SLC68A1: variants seen among roughly 807,000 people sequenced by gnomAD.
The protein encoded by SLC68A1 is solute carrier family 68 member 1.
At chr10:102,472,504 T>C in the SLC68A1 span, among the ~76,000 whole-genome samples, 117 of 152,320 alleles carry the variant, frequency 7.7e-4, no homozygotes, top group African/African-American at 2.8e-3. Context: ...CCTTAAGTGA[T>C]CTGCCTGCCT....
chr10:102,471,484 G>A, the SLC68A1 span: 8 of 1,538,302 alleles, frequency 5.2e-6, no homozygotes, highest in South Asian at 4.8e-5. Context: ...ACTTGGCCAC[G>A]CATGGTGGCT....
chr10:102,470,935 CCT>C, the SLC68A1 span: 1 of 1,613,430 alleles, frequency 6.2e-7, no homozygotes, highest in Non-Finnish European at 8.5e-7. Flanking sequence ...CGGCCGGCTC[CCT>C]CTCTGTCTTT....
At chr10:102,473,718 C>G in the SLC68A1 span, 5 of 1,613,624 alleles carry the variant, frequency 3.1e-6, no homozygotes, top group Non-Finnish European at 4.2e-6. Flanking sequence ...ACCACCTCAG[C>G]CTGCTGTGCC....
chr10:102,472,001 T>TAAA, the SLC68A1 span: 2 of 455,840 alleles, frequency 4.4e-6, no homozygotes, highest in South Asian at 3.1e-5. Context: ...ACAATCTTTT[T>TAAA]AAGACAGCAA....
At chr10:102,469,178 T>A in the SLC68A1 span, 1 of 1,612,738 alleles carries the variant, frequency 6.2e-7, no homozygotes, top group African/African-American at 1.3e-5. Flanking sequence ...ATCAACAAAA[T>A]GGCCTTCTGG....
chr10:102,476,057 T>C, the SLC68A1 span: 1 of 1,322,366 alleles, frequency 7.6e-7, no homozygotes, highest in Non-Finnish European at 9.7e-7. Context: ...TTTTGGTTTT[T>C]TTTTTAAGGA....
At chr10:102,470,549 C>G in the SLC68A1 span, 2 of 1,490,940 alleles carry the variant, frequency 1.3e-6, no homozygotes, top group Non-Finnish European at 9.0e-7. Flanking sequence ...GTGGCACCAC[C>G]CTGTTGTGAG....
the SLC68A1 span, among the ~76,000 whole-genome samples, chr10:102,463,169 CTTTTT>C: frequency 3.0e-5 from 4 of 131,758 alleles, no homozygotes; most frequent in Admixed American, 7.5e-5. Context: ...CCCAGCCCTG[CTTTTT>C]TTTTTTTTTT....
At chr10:102,462,686 C>T in the SLC68A1 span, among the ~76,000 whole-genome samples, 1 of 152,144 alleles carries the variant, frequency 6.6e-6, no homozygotes, top group African/African-American at 2.4e-5. Flanking sequence ...CACTTCCCCA[C>T]CCCCAGCGCC....
At chr10:102,467,502 A>G in the SLC68A1 span, among the ~76,000 whole-genome samples, 2 of 152,192 alleles carry the variant, frequency 1.3e-5, no homozygotes, top group Non-Finnish European at 1.5e-5. Context: ...GTGTTTGTCA[A>G]TTAGACCTGA....
chr10:102,468,985 T>G, the SLC68A1 span: 2 of 1,563,260 alleles, frequency 1.3e-6, no homozygotes, highest in Non-Finnish European at 1.7e-6. Context: ...CCTGTGGCCA[T>G]GAGCCCTCCC....
At chr10:102,467,054 T>C in the SLC68A1 span, among the ~76,000 whole-genome samples, 1 of 152,224 alleles carries the variant, frequency 6.6e-6, no homozygotes, top group African/African-American at 2.4e-5. Context: ...TTATTTCTTT[T>C]TGAGGTAGAG....
At chr10:102,472,819 C>T in the SLC68A1 span, 1 of 1,559,486 alleles carries the variant, frequency 6.4e-7, no homozygotes, top group East Asian at 2.2e-5. Context: ...TCTCCTCCCA[C>T]TGGAAGCCTC....
the SLC68A1 span, chr10:102,470,662 C>G: frequency 1.9e-6 from 3 of 1,603,654 alleles, no homozygotes; most frequent in East Asian, 6.7e-5. Context: ...CTTTCCCCGG[C>G]AGGTCAGGCG....
chr10:102,476,404 C>G, the SLC68A1 span: 2 of 553,664 alleles, frequency 3.6e-6, no homozygotes, highest in Non-Finnish European at 4.6e-6. Flanking sequence ...AGGGTTTCAC[C>G]ACATTGGCCA....
the SLC68A1 span, chr10:102,474,068 T>C: frequency 1.3e-6 from 2 of 1,485,478 alleles, 1 homozygote; most frequent in East Asian, 4.7e-5. Flanking sequence ...ACAGCTTACC[T>C]GGCACAGTGG....
At chr10:102,476,115 G>A in the SLC68A1 span, 1 of 1,337,444 alleles carries the variant, frequency 7.5e-7, no homozygotes, top group Non-Finnish European at 9.6e-7. Context: ...CCAAAAAAAT[G>A]GATCTGTTGC....
chr10:102,469,871 C>A, the SLC68A1 span: 11 of 1,449,668 alleles, frequency 7.6e-6, no homozygotes, highest in Non-Finnish European at 1.0e-5. Context: ...CTGACACCAG[C>A]AAAGGTTTGC....
At chr10:102,472,133 A>G in the SLC68A1 span, 2 of 413,480 alleles carry the variant, frequency 4.8e-6, no homozygotes, top group Non-Finnish European at 9.8e-6. Context: ...ACTGCACTCC[A>G]GCCTGGGCGG....
Sources: allele counts gnomAD v4.1 joint callset (sites outside exome capture counted in the v4.1 genomes callset), GRCh38; gene constraint gnomAD v4.1.1; transcripts MANE v1.5; gene names NCBI Gene and HGNC (gene_info 2026-07-23, HGNC 2026-07-21).